ZBTB20: variants seen among roughly 807,000 people sequenced by gnomAD.
The protein encoded by ZBTB20 is zinc finger and BTB domain-containing protein 20.
In ZBTB20, 9 loss-of-function variants were observed where a neutral mutation model predicts 56.9. That is an observed-to-expected ratio of 0.16 (90% CI 0.10 to 0.28). ZBTB20 has a LOEUF of 0.28. Among genes scored for constraint, ZBTB20 ranks in the 10% least tolerant of loss-of-function variants. ZBTB20 has a pLI of 1.00. For missense variants in ZBTB20, 655 were observed against 1,003.0 expected (o/e 0.65, Z 4.69); for synonymous variants, 417 against 420.7 (o/e 0.99, Z 0.11).
At chr3:114,546,486 A>C (rs2049894337) in intron 6 of ZBTB20, among the ~76,000 whole-genome samples, 1 of 151,614 alleles carries the variant, frequency 6.6e-6, no homozygotes, top group Non-Finnish European at 1.5e-5. Flanking sequence ...AAGCATTCTG[A>C]AGGTTCTAGT....
intron 5 of ZBTB20, among the ~76,000 whole-genome samples, chr3:114,770,443 C>T (rs2069116399): frequency 6.6e-6 from 1 of 150,740 alleles, no homozygotes; most frequent in Non-Finnish European, 1.5e-5. Flanking sequence ...GAGCAAAACT[C>T]CATCTTAAAA....
chr3:114,481,361 C>T (rs1288134317), intron 7 of ZBTB20, among the ~76,000 whole-genome samples: 1 of 152,042 alleles, frequency 6.6e-6, no homozygotes. Flanking sequence ...AGTGCTGCCC[C>T]ATTTACTAAT....
intron 2 of ZBTB20, among the ~76,000 whole-genome samples, chr3:115,041,836 C>G (rs1156236735): frequency 6.6e-6 from 1 of 152,152 alleles, no homozygotes; most frequent in Non-Finnish European, 1.5e-5. Context: ...TTTGAATACT[C>G]AACAGTAGAA....
intron 10 of ZBTB20, among the ~76,000 whole-genome samples, chr3:114,357,510 T>A (rs753025969): frequency 6.6e-6 from 1 of 152,262 alleles, no homozygotes; most frequent in Non-Finnish European, 1.5e-5. Context: ...TATTCATTCA[T>A]AGAACATTTC....
At chr3:114,670,124 CAT>C (rs1306204341) in intron 6 of ZBTB20, among the ~76,000 whole-genome samples, 2 of 152,018 alleles carry the variant, frequency 1.3e-5, no homozygotes, top group African/African-American at 2.4e-5. Context: ...CTGAAGTTGA[CAT>C]TCATAAGAGC....
Position 114,330,120 on chromosome 3 carries a change from A to G in ZBTB20, c.*8885T>C, listed in dbSNP as rs529554127. ...TCACTTTGAATATGAACCTCTTTGT[A>G]TTAGTCACACCAACAAAAAAGTTTC... On this transcript the variant is annotated 3_prime_UTR_variant, in exon 12 of 12. Transcript: ENST00000675478. 1.3e-5 allele frequency: 2 copies of G among 152,382 alleles called. No individual in the cohort carries two copies. The highest frequency in any genetic ancestry group is 1.9e-4 in the East Asian group (1 of 5,194). 9.4% of individuals were successfully genotyped at this position (152,382 alleles called of 1,614,324 possible).
intron 6 of ZBTB20, among the ~76,000 whole-genome samples, chr3:114,633,301 GT>G (rs1037747776): frequency 3.3e-5 from 5 of 152,134 alleles, no homozygotes; most frequent in African/African-American, 1.2e-4. Flanking sequence ...GAGTCCCCAA[GT>G]TTTTTCAACT....
In ZBTB20 at chr3:114,336,576, C is replaced by CA. The variant is rs1560085424; in HGVS notation, c.*2428dup. The stretch of plus-strand genomic sequence containing the variant: ...GCACTGTGGGACCAAATCAAACTCA[C>CA]AAACACTTCAGTTACACTAACCTTA... On this transcript the variant is annotated 3_prime_UTR_variant, in exon 12 of 12. Transcript: ENST00000675478. The CA allele has an allele frequency of 6.6e-6, 1 of 152,136 alleles. No individual in the cohort carries two copies. Among genetic ancestry groups the CA allele is most frequent in the Non-Finnish European group, 1.5e-5 (1 of 68,018 alleles). 9.4% of individuals were successfully genotyped at this position (152,136 alleles called of 1,614,324 possible).
intron 3 of ZBTB20, among the ~76,000 whole-genome samples, chr3:114,903,903 A>C (rs1224732244): frequency 6.6e-6 from 1 of 151,994 alleles, no homozygotes; most frequent in Non-Finnish European, 1.5e-5. Context: ...CGTTAGAGTC[A>C]GTTTTTTTCT....
chr3:114,782,154 A>G (rs1205381236), intron 5 of ZBTB20, among the ~76,000 whole-genome samples: 1 of 152,180 alleles, frequency 6.6e-6, no homozygotes. Flanking sequence ...CTCCCACAGT[A>G]TCTTATACAT....
chr3:114,636,248 G>A (rs2040113401), intron 6 of ZBTB20, among the ~76,000 whole-genome samples: 1 of 152,078 alleles, frequency 6.6e-6, no homozygotes, highest in African/African-American at 2.4e-5. Flanking sequence ...ATGCAGAGGG[G>A]TGTTCACCAT....
rs72948694 is a variant in ZBTB20 at position 114,358,168 on chromosome 3, C to T, written c.200-6290G>A. Among the ~76,000 whole-genome samples the T allele has an allele frequency of 9.1e-3, 1,381 of 152,266 alleles. 18 individuals carry two copies. The highest frequency in any genetic ancestry group is 0.031 in the African/African-American group (1,294 of 41,574). ...AAAATAAATATAAACTCAATATACA[C>T]ATCTAATCAGCCAAAAAAATAGTTT... On this transcript the variant is annotated intron_variant, in intron 10 of 11. Transcript: ENST00000675478.
At chr3:114,560,512 G>T (rs11928245) in intron 6 of ZBTB20, among the ~76,000 whole-genome samples, 1 of 152,086 alleles carries the variant, frequency 6.6e-6, no homozygotes, top group African/African-American at 2.4e-5. Flanking sequence ...TGGTAATGAG[G>T]GGTAAAACCA....
At chr3:114,725,146 A>C (rs2065178501) in intron 5 of ZBTB20, among the ~76,000 whole-genome samples, 1 of 152,198 alleles carries the variant, frequency 6.6e-6, no homozygotes, top group Non-Finnish European at 1.5e-5. Context: ...CCTGGAAGAG[A>C]CCATGCTTTC....
intron 6 of ZBTB20, among the ~76,000 whole-genome samples, chr3:114,603,860 A>G (rs1322780898): frequency 6.6e-6 from 1 of 152,030 alleles, no homozygotes; most frequent in Non-Finnish European, 1.5e-5. Flanking sequence ...TCTTTTACCA[A>G]TACAATTGGC....
intron 11 of ZBTB20, among the ~76,000 whole-genome samples, chr3:114,348,335 A>C (rs948698790): frequency 6.6e-6 from 1 of 152,154 alleles, no homozygotes; most frequent in African/African-American, 2.4e-5. Flanking sequence ...TATCCAGGGG[A>C]GGAAAGGATA....
intron 7 of ZBTB20, chr3:114,454,718 T>TA (rs539416065): frequency 1.0e-4 from 15 of 148,558 alleles, no homozygotes; most frequent in Non-Finnish European, 1.5e-4. Context: ...GATACTTCTT[T>TA]AAAAAAAAAA....
At chr3:115,139,678 A>G (rs2084755947) in intron 1 of ZBTB20, among the ~76,000 whole-genome samples, 1 of 152,064 alleles carries the variant, frequency 6.6e-6, no homozygotes, top group Admixed American at 6.6e-5. Context: ...TTATCTTTGA[A>G]TAAATGTATC....
chr3:114,530,136 A>G (rs1258375065), intron 6 of ZBTB20, among the ~76,000 whole-genome samples: 1 of 152,256 alleles, frequency 6.6e-6, no homozygotes, highest in Non-Finnish European at 1.5e-5. Context: ...GTGCTTATAA[A>G]GTCTACAGGA....
Sources: allele counts gnomAD v4.1 joint callset (sites outside exome capture counted in the v4.1 genomes callset), GRCh38; gene constraint gnomAD v4.1.1; transcripts MANE v1.5; gene names NCBI Gene and HGNC (gene_info 2026-07-23, HGNC 2026-07-21).